The following LARP4B variants were observed in gnomAD, a reference collection of about 807,000 sequenced individuals.
LARP4B encodes the protein La ribonucleoprotein 4B, also known as la-related protein 4B.
In LARP4B, 12 loss-of-function variants were observed where a neutral mutation model predicts 89.8. The ratio of observed to expected loss-of-function variants is 0.13; its 90% CI spans 0.09 to 0.22. The LOEUF (loss-of-function observed/expected upper bound fraction) is 0.22. LARP4B is among the 10% of genes least tolerant of loss of function. The pLI is 1.00. For missense variants in LARP4B, 757 were observed against 947.7 expected (o/e 0.80, Z 2.64); for synonymous variants, 367 against 363.3 (o/e 1.01, Z -0.12).
At chr10:885,906 C>T in intron 1 of LARP4B, 146 bp from the exon 2 acceptor site, 1 of 472,200 alleles carries the variant, frequency 2.1e-6, no homozygotes. Flanking sequence ...ATATGCATAC[C>T]TTACTCACCA....
intron 1 of LARP4B, among the ~76,000 whole-genome samples, chr10:890,262 A>C (rs1835976278): frequency 6.6e-6 from 1 of 152,228 alleles, no homozygotes. Context: ...TAATCTGATG[A>C]TCAAAGGCAA....
At chr10:930,436 T>C (rs918413183) in intron 1 of LARP4B, among the ~76,000 whole-genome samples, 1 of 152,212 alleles carries the variant, frequency 6.6e-6, no homozygotes, top group African/African-American at 2.4e-5. Flanking sequence ...TTAGAGAATC[T>C]CAAACGAAAG....
chr10:930,606 A>T (rs1837271932), intron 1 of LARP4B, among the ~76,000 whole-genome samples: 1 of 152,218 alleles, frequency 6.6e-6, no homozygotes, highest in South Asian at 2.1e-4. Flanking sequence ...CACGTTCCCA[A>T]GCGCACCCTG....
Position 813,230 on chromosome 10 carries a change from C to A in LARP4B, c.1930-17G>T. On this transcript the variant is annotated splice_polypyrimidine_tract_variant and intron_variant, in intron 17 of 17. Coordinates refer to ENST00000316157, the MANE Select transcript of LARP4B (RefSeq NM_015155.3). ...TCGCAATTCCTGGAAACAGACAATC[C>A]TGGGTTACCTGTGTGAAATGGTGTC... The A allele has an allele frequency of 6.3e-7, 1 of 1,586,138 alleles. No individual in the cohort carries two copies. Among genetic ancestry groups the A allele is most frequent in the South Asian group, 1.2e-5 (1 of 86,084 alleles).
intron 8 of LARP4B, among the ~76,000 whole-genome samples, chr10:834,943 G>A (rs1833118431): frequency 6.6e-6 from 1 of 151,890 alleles, no homozygotes; most frequent in African/African-American, 2.4e-5. Context: ...GGGAGGCTGA[G>A]GCAGGAGAAG....
At chr10:910,852 G>A (rs183216844) in intron 1 of LARP4B, among the ~76,000 whole-genome samples, 129 of 152,298 alleles carry the variant, frequency 8.5e-4, no homozygotes, top group Non-Finnish European at 1.5e-3. Flanking sequence ...CTACTGAAAA[G>A]CACACAGCCC....
chr10:845,131 A>C, intron 5 of LARP4B, 76 bp from the exon 6 acceptor site: 1 of 1,010,372 alleles, frequency 9.9e-7, no homozygotes, highest in South Asian at 1.5e-5. Flanking sequence ...CAGCAGTTCT[A>C]ATGCTTTCAA....
chr10:888,881 T>C (rs984437259), intron 1 of LARP4B, among the ~76,000 whole-genome samples: 1 of 151,758 alleles, frequency 6.6e-6, no homozygotes, highest in Non-Finnish European at 1.5e-5. Context: ...AGCCCAAGAG[T>C]TGGAGACCAG....
intron 1 of LARP4B, among the ~76,000 whole-genome samples, chr10:890,510 T>G (rs374268661): frequency 6.6e-6 from 1 of 152,170 alleles, no homozygotes; most frequent in East Asian, 1.9e-4. Context: ...TCAATTTAAA[T>G]AAATATATTA....
chr10:890,856 G>A (rs970469798), intron 1 of LARP4B, among the ~76,000 whole-genome samples: 18 of 152,072 alleles, frequency 1.2e-4, no homozygotes, highest in African/African-American at 4.1e-4. Flanking sequence ...GGATTCCATT[G>A]TAAAAGAAAC....
intron 5 of LARP4B, among the ~76,000 whole-genome samples, chr10:850,537 A>C (rs1372842492): frequency 6.6e-6 from 1 of 152,220 alleles, no homozygotes; most frequent in Non-Finnish European, 1.5e-5. Context: ...AATTAACAGA[A>C]CCTTTCTTTC....
chr10:813,801 C>A (rs1831869066), intron 17 of LARP4B, among the ~76,000 whole-genome samples: 1 of 136,272 alleles, frequency 7.3e-6, no homozygotes. Flanking sequence ...CCCTTAATAA[C>A]TTTTTTTTTT....
chr10:896,340 C>T (rs1214952076), intron 1 of LARP4B, among the ~76,000 whole-genome samples: 2 of 152,142 alleles, frequency 1.3e-5, no homozygotes, highest in Non-Finnish European at 2.9e-5. Flanking sequence ...AAAGAATATT[C>T]AATATTCATT....
chr10:877,722 A>G (rs1423684973), intron 3 of LARP4B, among the ~76,000 whole-genome samples: 1 of 152,222 alleles, frequency 6.6e-6, no homozygotes, highest in East Asian at 1.9e-4. Context: ...AAGAGCCATG[A>G]GAGTCTGCAG....
chr10:875,327 G>C (rs970499604), intron 3 of LARP4B, among the ~76,000 whole-genome samples: 1 of 152,208 alleles, frequency 6.6e-6, no homozygotes, highest in Non-Finnish European at 1.5e-5. Flanking sequence ...CTGTTAGGCA[G>C]ACTTTAAGTA....
chr10:825,937 C>A, intron 11 of LARP4B, 67 bp from the exon 12 acceptor site: 1 of 1,024,908 alleles, frequency 9.8e-7, no homozygotes. Context: ...TTAATACCAA[C>A]AAATCTGTGG....
At chr10:815,924 G>C (rs1209045517) in intron 15 of LARP4B, among the ~76,000 whole-genome samples, 1 of 152,206 alleles carries the variant, frequency 6.6e-6, no homozygotes, top group Non-Finnish European at 1.5e-5. Flanking sequence ...TTTTGTAAAA[G>C]CTCATTTTAA....
chr10:838,804 T>G (rs976386501), intron 7 of LARP4B, among the ~76,000 whole-genome samples: 12 of 152,208 alleles, frequency 7.9e-5, no homozygotes, highest in African/African-American at 2.9e-4. Flanking sequence ...ACACAAAATC[T>G]GCATACAGAT....
intron 1 of LARP4B, among the ~76,000 whole-genome samples, chr10:919,324 C>T (rs903383855): frequency 6.6e-6 from 1 of 152,000 alleles, no homozygotes; most frequent in African/African-American, 2.4e-5. Context: ...TTATAAGCAT[C>T]GGTGCATGGG....
Sources: gnomAD v4.1 joint callset for allele counts (sites outside exome capture counted in the v4.1 genomes callset) on GRCh38, gnomAD v4.1.1 for gene constraint, MANE v1.5 for transcripts, NCBI Gene and HGNC (gene_info 2026-07-23, HGNC 2026-07-21) for gene names.